The following AP4M1 variants were observed in gnomAD, a reference collection of about 807,000 sequenced individuals.
The protein encoded by AP4M1 is adaptor related protein complex 4 subunit mu 1.
In AP4M1, 58 loss-of-function variants were observed where a neutral mutation model predicts 62.4. The ratio of observed to expected loss-of-function variants is 0.93; its 90% CI spans 0.75 to 1.16. The LOEUF is 1.16. AP4M1 is among the 50% of genes most tolerant of loss of function. The pLI, the probability that AP4M1 is intolerant of heterozygous loss-of-function variation, is 0.00. For missense variants in AP4M1, 626 were observed against 585.4 expected, an observed-to-expected ratio of 1.07 and a Z score of -0.72; for synonymous variants, 290 against 239.7, an observed-to-expected ratio of 1.21 and a Z score of -1.94.
intron 11 of AP4M1, 69 bp downstream of exon 11, chr7:100,105,608 C>A: frequency 6.9e-7 from 1 of 1,458,904 alleles, no homozygotes; most frequent in Non-Finnish European, 9.5e-7. Context: ...TCCCAAGACT[C>A]ACTGCAGAGT....
Position 100,108,466 on chromosome 7 carries a change from C to A in AP4M1, c.*1584C>A, listed in dbSNP as rs766630856. On this transcript the variant is annotated 3_prime_UTR_variant, in exon 15 of 15. Coordinates refer to ENST00000359593, the MANE Select transcript of AP4M1 (RefSeq NM_004722.4). ...GGGAGCAGAGGAGGGGCCCAAGGGA[C>A]CCGAATTCTGCCCGATAGGCGTCCT... 6.2e-7 allele frequency: 1 copy of A among 1,614,012 alleles called. No homozygotes were observed. The highest frequency in any genetic ancestry group is 1.1e-5 in the South Asian group (1 of 91,074).
rs1796071091 is a variant in AP4M1 at position 100,101,887 on chromosome 7, G to C, written c.66G>C (p.Gly22=). The C allele has an allele frequency of 6.2e-7, 1 of 1,613,132 alleles. No homozygotes were observed. Among genetic ancestry groups the C allele is most frequent in the Admixed American group, 1.7e-5 (1 of 60,008 alleles). ...GDPLIYKDFR[G]DSGGRDVAEL... is the part of the protein sequence containing the mutation. ...AGTCCTTCCACCCGCCAGTCCGCGG[G>C]GACAGTGGCGGCCGGGATGTGGCCG... is the stretch of plus-strand genomic sequence containing the variant. Residue 22 remains glycine, a synonymous_variant, in exon 2 of 15, where the codon GGG becomes GGC. Coordinates refer to ENST00000359593, the MANE Select transcript of AP4M1 (RefSeq NM_004722.4).
In AP4M1 at chr7:100,108,032, A is replaced by G. The variant is rs1411061192; in HGVS notation, c.*1150A>G. The G allele has an allele frequency of 6.2e-7, 1 of 1,613,724 alleles. No individual in the cohort carries two copies. The highest frequency in any genetic ancestry group is 1.3e-5 in the African/African-American group (1 of 74,920). ...CGCTCGTGCAGACACCAGTGTCTGGACAGGAAGTGCGATGGAGCCAGGAAC... is the reference window on the plus strand; with the variant it reads ...CGCTCGTGCAGACACCAGTGTCTGGGCAGGAAGTGCGATGGAGCCAGGAAC... On this transcript the variant is annotated 3_prime_UTR_variant, in exon 15 of 15. Transcript: ENST00000359593.
Position 100,106,420 on chromosome 7 carries a change from G to C in AP4M1, c.1043G>C (p.Ser348Thr), listed in dbSNP as rs1341571752. The change falls in exon 14 of 15, where the codon AGC becomes ACC. Residue 348 changes from serine (S) to threonine (T), a missense_variant. Ser to Thr is a moderately conservative substitution (Grantham distance 58). Transcript: ENST00000359593. ...AACTCCAGCCTGTCTCAGGAGCTGA[G>C]CAGCCCAGAGCAGAAGGCTGAGCTG... The part of the protein sequence containing the change: ...RGVVSLSQEL[S>T]SPEQKAELAE... The C allele has an allele frequency of 1.4e-5, 23 of 1,613,770 alleles. No homozygotes were observed. Among genetic ancestry groups the C allele is most frequent in the Non-Finnish European group, 1.9e-5 (23 of 1,180,032 alleles).
In AP4M1 at chr7:100,107,515, T is replaced by C; in HGVS notation, c.*633T>C. On this transcript the variant is annotated 3_prime_UTR_variant, in exon 15 of 15. Transcript: ENST00000359593. ...GGAGCAGTGCTGGGGGGTGCGGTGG[T>C]GGCGGTGGAGACCAACTTGACGATG... is the stretch of plus-strand genomic sequence containing the variant. 4 of 1,613,928 alleles carry C rather than the reference T, an allele frequency of 2.5e-6. No homozygotes were observed. The highest frequency in any genetic ancestry group is 3.4e-6 in the Non-Finnish European group (4 of 1,179,944).
In AP4M1 at chr7:100,104,110, T is replaced by G. The variant is rs1796280385; in HGVS notation, c.562T>G (p.Phe188Val). ...TTCTCAGAGCCAAAAGAATGAAGTT[T>G]TTTTGGATGTGGTCGAGAGATTGTC... is the stretch of plus-strand genomic sequence containing the variant. ...RSDQSQKNEV[F>V]LDVVERLSVL... Residue 188 changes from phenylalanine to valine, a missense_variant, in exon 7 of 15, where the codon TTT becomes GTT. Coordinates refer to ENST00000359593, the MANE Select transcript of AP4M1 (RefSeq NM_004722.4). 6.2e-7 allele frequency: 1 copy of G among 1,614,090 alleles called. No individual in the cohort carries two copies. The highest frequency in any genetic ancestry group is 8.5e-7 in the Non-Finnish European group (1 of 1,180,008).
At chr7:100,101,392 G>A, upstream of AP4M1, 1 of 1,540,796 alleles carries the variant, frequency 6.5e-7, no homozygotes, top group Admixed American at 1.7e-5. Flanking sequence ...CCGGCCAACC[G>A]AAATTGGCGC....
At position 100,108,168 on chromosome 7, in the gene AP4M1, A is replaced by G. The variant is rs1384792500; in HGVS notation, c.*1286A>G. 5.2e-6 allele frequency: 8 copies of G among 1,550,598 alleles called. No homozygotes were observed. The Admixed American group carries it at 1.4e-4, about 27-fold the overall frequency. The stretch of plus-strand genomic sequence containing the variant: ...GGGGGAAGTGGCACCATCTACTAAG[A>G]AGAGGAGTCTGAAGGGAGAGGCCTG... On this transcript the variant is annotated 3_prime_UTR_variant, in exon 15 of 15. Transcript: ENST00000359593.
At chr7:100,105,807 T>C (rs1796421736) in intron 11 of AP4M1, 152 bp from the exon 12 acceptor site, 2 of 988,386 alleles carry the variant, frequency 2.0e-6, no homozygotes, top group Non-Finnish European at 3.2e-6. Flanking sequence ...AGGAAAAAGC[T>C]TTGGCTAATG....
rs749176510 is a variant in AP4M1 at position 100,107,627 on chromosome 7, G to A, written c.*745G>A. On this transcript the variant is annotated 3_prime_UTR_variant, in exon 15 of 15. Transcript: ENST00000359593. ...CCGAGGTGCTGAGGGACAGGACCTG[G>A]ATAGAAAGGAAAGGCAGGCCGCTTG... is the stretch of plus-strand genomic sequence containing the variant. 1 of 1,610,404 alleles carries A rather than the reference G, an allele frequency of 6.2e-7. No individual in the cohort carries two copies. The highest frequency in any genetic ancestry group is 8.5e-7 in the Non-Finnish European group (1 of 1,178,898).
At chr7:100,102,583 A>G in intron 2 of AP4M1, 92 bp from the exon 3 acceptor site, 1 of 1,084,614 alleles carries the variant, frequency 9.2e-7, no homozygotes, top group Non-Finnish European at 1.4e-6. Context: ...GTGACTAGTA[A>G]GAGGCATCGG....
At chr7:100,105,641 G>C (rs1796405110) in intron 11 of AP4M1, 102 bp downstream of exon 11, 1 of 1,236,344 alleles carries the variant, frequency 8.1e-7, no homozygotes, top group Non-Finnish European at 1.2e-6. Context: ...AGTGGTGATG[G>C]AGTGCAAATT....
In AP4M1 at chr7:100,106,855, C is replaced by T. The variant is rs1796557201; in HGVS notation, c.1335C>T (p.His445=). The part of the protein sequence containing the change: ...NPHKWVRHLS[H]SDAYVIRI ...ACAAGTGGGTGCGACACCTAAGCCACAGCGACGCCTATGTCATTCGGATCT... is the reference window on the plus strand; with the variant it reads ...ACAAGTGGGTGCGACACCTAAGCCATAGCGACGCCTATGTCATTCGGATCT... The change falls in exon 15 of 15, where the codon CAC becomes CAT. Residue 445 remains histidine (H), a synonymous_variant. Coordinates refer to ENST00000359593, the MANE Select transcript of AP4M1 (RefSeq NM_004722.4). 1 of 1,613,716 alleles carries T rather than the reference C, an allele frequency of 6.2e-7. No homozygotes were observed. Among genetic ancestry groups the T allele is most frequent in the Admixed American group, 1.7e-5 (1 of 60,028 alleles).
At position 100,106,434 on chromosome 7, in the gene AP4M1, A is replaced by G; in HGVS notation, c.1057A>G (p.Lys353Glu). The change falls in exon 14 of 15, where the codon AAG (lysine) becomes GAG (glutamate). Residue 353 changes from lysine to glutamate, a missense_variant. Physicochemically the swap from Lys to Glu is moderately conservative, Grantham distance 56. Coordinates refer to ENST00000359593, the MANE Select transcript of AP4M1 (RefSeq NM_004722.4). ...TCAGGAGCTGAGCAGCCCAGAGCAGAAGGCTGAGCTGGCAGAGGGAGCCCT... is the reference window on the plus strand; with the variant it reads ...TCAGGAGCTGAGCAGCCCAGAGCAGGAGGCTGAGCTGGCAGAGGGAGCCCT... Reference protein sequence around the residue: ...LSQELSSPEQKAELAEGALRW... With the variant: ...LSQELSSPEQEAELAEGALRW... 1 of 1,613,884 alleles carries G rather than the reference A, an allele frequency of 6.2e-7. No homozygotes were observed.
chr7:100,108,179 G>A lies in AP4M1; in HGVS notation c.*1297G>A. The A allele has an allele frequency of 6.5e-7, 1 of 1,530,286 alleles. No individual in the cohort carries two copies. The highest frequency in any genetic ancestry group is 8.8e-7 in the Non-Finnish European group (1 of 1,138,604). The allele number at this position is 1,530,286 out of a possible 1,614,324, so 94.8% of individuals were successfully genotyped here. On this transcript the variant is annotated 3_prime_UTR_variant, in exon 15 of 15. Transcript: ENST00000359593. Reference sequence around the variant, plus strand: ...CACCATCTACTAAGAAGAGGAGTCTGAAGGGAGAGGCCTGGGCTCCCCTCG... The same window carrying A: ...CACCATCTACTAAGAAGAGGAGTCTAAAGGGAGAGGCCTGGGCTCCCCTCG...
Position 100,103,417 on chromosome 7 carries a change from C to G in AP4M1, c.360C>G (p.Gly120=), listed in dbSNP as rs778147767. The G allele has an allele frequency of 8.1e-6, 13 of 1,613,700 alleles. No individual in the cohort carries two copies. Among genetic ancestry groups the G allele is most frequent in the Non-Finnish European group, 1.0e-5 (12 of 1,179,770 alleles). The change falls in exon 5 of 15, where the codon GGC becomes GGG. Residue 120 remains glycine, a synonymous_variant. Transcript: ENST00000359593. The part of the protein sequence containing the change: ...YELLDEVLDY[G]YVQTTSTEML... ...CCTTCCTTTACCACTAGGACTATGGCTATGTACAGACCACATCCACGGAGA... is the reference window on the plus strand; with the variant it reads ...CCTTCCTTTACCACTAGGACTATGGGTATGTACAGACCACATCCACGGAGA...
At chr7:100,101,626 G>A (rs1796039062), upstream of AP4M1, 3 of 1,348,330 alleles carry the variant, frequency 2.2e-6, no homozygotes, top group South Asian at 3.5e-5. Flanking sequence ...CTCTTAAAGG[G>A]CCAGCGCACA....
In AP4M1 at chr7:100,104,129, G is replaced by A. The variant is rs1198755107; in HGVS notation, c.581G>A (p.Arg194Lys). ...GAAGTTTTTTTGGATGTGGTCGAGA[G>A]ATTGTCTGTACTGATAGCATCTAAT... ...KNEVFLDVVE[R>K]LSVLIASNGS... The change falls in exon 7 of 15, where the codon AGA becomes AAA. Residue 194 changes from arginine (R) to lysine (K), a missense_variant. Physicochemically the swap from Arg to Lys is conservative, Grantham distance 26. Coordinates refer to ENST00000359593, the MANE Select transcript of AP4M1 (RefSeq NM_004722.4). 26 of 1,614,088 alleles carry A rather than the reference G, an allele frequency of 1.6e-5. No individual in the cohort carries two copies. The highest frequency in any genetic ancestry group is 2.2e-5 in the East Asian group (1 of 44,870).
rs1318836735 is a variant in AP4M1 at position 100,106,410 on chromosome 7, C to T, written c.1033C>T (p.Gln345Ter). The T allele has an allele frequency of 6.2e-7, 1 of 1,613,726 alleles. No homozygotes were observed. Among genetic ancestry groups the T allele is most frequent in the African/African-American group, 1.3e-5 (1 of 75,040 alleles). ...PLPRGVVSLSQELSSPEQKAE... is the reference protein window; with the variant it reads ...PLPRGVVSLS ...TCCCTTTCCAAACTCCAGCCTGTCT[C>T]AGGAGCTGAGCAGCCCAGAGCAGAA... The change falls in exon 14 of 15, where the codon CAG (glutamine) becomes TAG (stop). Residue 345 changes from glutamine (Q) to a stop codon, truncating the protein, a stop_gained. Transcript: ENST00000359593. LOFTEE classifies it high-confidence loss of function.
Sources: gnomAD v4.1 joint callset for allele counts on GRCh38, gnomAD v4.1.1 for gene constraint, MANE v1.5 for transcripts, NCBI Gene and HGNC (gene_info 2026-07-23, HGNC 2026-07-21) for gene names.